The following PDXDC1 variants were observed in gnomAD, a reference collection of about 807,000 sequenced individuals.
PDXDC1 encodes the protein pyridoxal-dependent decarboxylase domain-containing protein 1.
A neutral mutation model predicts 100.1 loss-of-function variants in PDXDC1; 42 were observed. The ratio of observed to expected loss-of-function variants is 0.42; its 90% CI spans 0.33 to 0.54. The LOEUF (loss-of-function observed/expected upper bound fraction) is 0.54. Among genes scored for constraint, PDXDC1 ranks in the 20% least tolerant of loss-of-function variants. The probability of loss-of-function intolerance (pLI) is 0.10; values close to 1 mark genes in which losing one functional copy is unlikely to be tolerated. For synonymous variants in PDXDC1, 260 were observed against 371.7 expected (o/e 0.70, Z 3.46); for missense variants, 636 against 979.2 (o/e 0.65, Z 4.68).
rs370150918 is a variant in PDXDC1, at chr16:15,036,297, C to T, written c.*22C>T. ...ATGAGACTCATTGTGTGGTTTGAGACTGTACTGAGTATTGTTTCAGGGAAG... is the reference window on the plus strand; with the variant it reads ...ATGAGACTCATTGTGTGGTTTGAGATTGTACTGAGTATTGTTTCAGGGAAG... On this transcript the variant is annotated 3_prime_UTR_variant, in exon 23 of 23. Coordinates refer to ENST00000396410, the MANE Select transcript of PDXDC1 (RefSeq NM_015027.4). 58 of 1,599,878 alleles carry T rather than the reference C, an allele frequency of 3.6e-5. No homozygotes were observed. The highest frequency in any genetic ancestry group is 4.2e-5 in the Non-Finnish European group (49 of 1,169,064).
chr16:15,147,662 G>A, the PDXDC1 span, among the ~76,000 whole-genome samples: 74 of 152,270 alleles, frequency 4.9e-4, no homozygotes, highest in Non-Finnish European at 8.7e-4. Flanking sequence ...AAGTAGCTGA[G>A]ACTACAGGCA....
rs752707228 is a variant in PDXDC1 at position 15,055,794 on chromosome 16, G to A, written c.1399+25738G>A. On this transcript the variant is annotated intron_variant, in intron 16 of 16. Transcript: ENST00000535621. ...CCGGGGCTCCGGATGTGCCAACAGC[G>A]CCAAGTTTCAAGTCTGTGTCGCGTG... 597 of 635,708 alleles carry A rather than the reference G, an allele frequency of 9.4e-4. 2 individuals are homozygous for A. The highest frequency in any genetic ancestry group is 1.3e-3 in the Middle Eastern group (4 of 3,042). 39.4% of individuals were successfully genotyped at this position (635,708 alleles called of 1,614,324 possible).
the PDXDC1 span, among the ~76,000 whole-genome samples, chr16:15,145,216 C>T: frequency 1.1e-4 from 16 of 152,346 alleles, 1 homozygote; most frequent in East Asian, 1.7e-3. Context: ...CTGCGCCCGG[C>T]TGTGCGGGCA....
At chr16:14,981,869 GC>G (rs1233903474) in intron 1 of PDXDC1, among the ~76,000 whole-genome samples, 1 of 150,278 alleles carries the variant, frequency 6.7e-6, no homozygotes, top group African/African-American at 2.5e-5. Context: ...TGCTCTTGTT[GC>G]CCAGGCTGGA....
downstream of PDXDC1, among the ~76,000 whole-genome samples, chr16:15,043,198 C>G (rs1408880870): frequency 6.6e-6 from 1 of 151,974 alleles, no homozygotes; most frequent in Non-Finnish European, 1.5e-5. Context: ...CCGCACCCGG[C>G]CTAATTTTTG....
At chr16:15,072,409 G>C (rs568230302) in intron 16 of PDXDC1, among the ~76,000 whole-genome samples, 1 of 152,130 alleles carries the variant, frequency 6.6e-6, no homozygotes, top group African/African-American at 2.4e-5. Context: ...AAAGGCTTAA[G>C]GGAAGAGCAC....
chr16:15,055,877 C>A, intron 16 of PDXDC1: 1 of 1,217,624 alleles, frequency 8.2e-7, no homozygotes, highest in Non-Finnish European at 1.0e-6. Flanking sequence ...AGCCCCGCGC[C>A]GCGCCCCACT....
chr16:15,126,239 T>A, intron 16 of PDXDC1, among the ~76,000 whole-genome samples: 1 of 147,978 alleles, frequency 6.8e-6, no homozygotes, highest in Non-Finnish European at 1.5e-5. Context: ...TTTCACTGTG[T>A]TGGCCAGGCT....
chr16:15,077,224 C>A (rs550012927), intron 16 of PDXDC1, among the ~76,000 whole-genome samples: 1 of 151,918 alleles, frequency 6.6e-6, no homozygotes, highest in African/African-American at 2.4e-5. Flanking sequence ...GGTGATCCAC[C>A]GGCCTCAGCT....
At chr16:15,150,338 C>G in the PDXDC1 span, among the ~76,000 whole-genome samples, 1 of 145,460 alleles carries the variant, frequency 6.9e-6, no homozygotes. Flanking sequence ...GAGACTCCAT[C>G]TCAAATAACA....
At chr16:15,038,482 G>A (rs2043648139), downstream of PDXDC1, 2 of 736,226 alleles carry the variant, frequency 2.7e-6, no homozygotes, top group Non-Finnish European at 4.6e-6. Flanking sequence ...CAAAGGGAAA[G>A]CAGCTATGAC....
At chr16:15,097,219 G>A (rs2046388046) in intron 16 of PDXDC1, among the ~76,000 whole-genome samples, 2 of 151,216 alleles carry the variant, frequency 1.3e-5, no homozygotes, top group Admixed American at 1.3e-4. Context: ...AGTGAGCTAT[G>A]ACTACACCAC....
At chr16:15,094,132 G>C in intron 16 of PDXDC1, 7 of 1,586,562 alleles carry the variant, frequency 4.4e-6, no homozygotes, top group Non-Finnish European at 5.1e-6. Flanking sequence ...GAAGGAAGCG[G>C]CCTGAATCTT....
chr16:15,062,650 AT>A (rs2044761389), intron 16 of PDXDC1, among the ~76,000 whole-genome samples: 1 of 152,230 alleles, frequency 6.6e-6, no homozygotes, highest in Admixed American at 6.5e-5. Context: ...CAATTTCAAC[AT>A]GAGTCAACTG....
At chr16:15,138,457 C>T in intron 16 of PDXDC1, 1 of 144,356 alleles carries the variant, frequency 6.9e-6, no homozygotes, top group Non-Finnish European at 1.3e-5. Flanking sequence ...GGAGACGTCT[C>T]TGAGGAGTGA....
Position 15,132,915 on chromosome 16 carries a change from G to C in PDXDC1, c.1400-5964G>C. 2.5e-6 allele frequency: 4 copies of C among 1,587,264 alleles called. No homozygotes were observed. The South Asian group carries it at 3.3e-5, about 13-fold the overall frequency. On this transcript the variant is annotated intron_variant, in intron 16 of 16. Transcript: ENST00000535621. ...GCACAGCAAGCTGTCAGCAGGGCAG[G>C]AGACCGGCAGGAGGCCAGCAGATGC...
chr16:15,022,845 T>A, intron 13 of PDXDC1, 91 bp downstream of exon 13: 1 of 1,072,416 alleles, frequency 9.3e-7, no homozygotes, highest in Non-Finnish European at 1.3e-6. Context: ...AATGATTTTC[T>A]CCACATTTCA....
In PDXDC1 at chr16:15,128,290, T is replaced by A. The variant is rs577298547; in HGVS notation, c.1400-10589T>A. The stretch of plus-strand genomic sequence containing the variant: ...GTGCGGGGTGGCGATCCGGAAGATG[T>A]CCAGGCTGTTGCGGTGGAAGGCTCT... On this transcript the variant is annotated intron_variant, in intron 16 of 16. Transcript: ENST00000535621. 1,629 of 1,610,544 alleles carry A rather than the reference T, an allele frequency of 1.0e-3. 20 individuals carry two copies. The African/African-American group carries it at 0.02, about 19-fold the overall frequency.
At chr16:15,088,904 G>C (rs1223462548) in intron 16 of PDXDC1, among the ~76,000 whole-genome samples, 1 of 151,950 alleles carries the variant, frequency 6.6e-6, no homozygotes, top group East Asian at 1.9e-4. Context: ...TGCTTAGAGA[G>C]AACCAGGGAA....
Sources: allele counts gnomAD v4.1 joint callset (sites outside exome capture counted in the v4.1 genomes callset), GRCh38; gene constraint gnomAD v4.1.1; transcripts MANE v1.5; gene names NCBI Gene and HGNC (gene_info 2026-07-23, HGNC 2026-07-21).